The following SEC22A variants were observed in gnomAD, a reference collection of about 807,000 sequenced individuals.
SEC22A encodes vesicle-trafficking protein SEC22a.
Under a neutral mutation model 35.3 loss-of-function variants are expected in SEC22A, and 22 were observed. The observed-to-expected ratio is 0.62, with a 90% CI of 0.45 to 0.89. SEC22A has a LOEUF of 0.89. SEC22A is among the 40% of genes least tolerant of loss of function. The pLI is 0.00. For missense variants in SEC22A, 354 were observed against 362.5 expected (o/e 0.98, Z 0.19); for synonymous variants, 119 against 129.5 (o/e 0.92, Z 0.55).
At chr3:123,248,420 A>G (rs1189931978) in intron 5 of SEC22A, among the ~76,000 whole-genome samples, 9 of 152,348 alleles carry the variant, frequency 5.9e-5, no homozygotes, top group Admixed American at 2.6e-4. Flanking sequence ...ACAAAACTCA[A>G]TTGCTTTACT....
chr3:123,269,215 G>GTGTGTGTGTGTGTGTGTGTGTA (rs10642998), intron 6 of SEC22A, among the ~76,000 whole-genome samples: 5 of 136,780 alleles, frequency 3.7e-5, no homozygotes, highest in African/African-American at 8.3e-5. Context: ...GTGTGTGTGT[G>GTGTGTGTGTGTGTGTGTGTGTA]TATATATTAC....
chr3:123,225,640 A>G, intron 4 of SEC22A, among the ~76,000 whole-genome samples: 1 of 152,214 alleles, frequency 6.6e-6, no homozygotes, highest in African/African-American at 2.4e-5. Flanking sequence ...TGTAATAATC[A>G]CATTAGGGTA....
At chr3:123,210,746 T>C (rs1290160312) in intron 2 of SEC22A, among the ~76,000 whole-genome samples, 2 of 152,084 alleles carry the variant, frequency 1.3e-5, no homozygotes, top group African/African-American at 4.8e-5. Context: ...GGAAATAAGG[T>C]AAAAACACAG....
intron 4 of SEC22A, among the ~76,000 whole-genome samples, chr3:123,229,456 CTT>C (rs1427781750): frequency 6.6e-6 from 1 of 152,088 alleles, no homozygotes; most frequent in African/African-American, 2.4e-5. Flanking sequence ...AACCAAGAAT[CTT>C]ATATCTAGCA....
chr3:123,229,474 A>G (rs1246066112), intron 4 of SEC22A, among the ~76,000 whole-genome samples: 1 of 152,264 alleles, frequency 6.6e-6, no homozygotes, highest in African/African-American at 2.4e-5. Context: ...TAGCAAAGTT[A>G]TCTTTTAAAA....
chr3:123,258,523 A>G (rs1235809718), intron 5 of SEC22A, among the ~76,000 whole-genome samples: 1 of 152,196 alleles, frequency 6.6e-6, no homozygotes, highest in African/African-American at 2.4e-5. Flanking sequence ...TCTGGGGTGC[A>G]ACTGGCCTGA....
intron 4 of SEC22A, among the ~76,000 whole-genome samples, chr3:123,228,265 C>A (rs1388985546): frequency 1.3e-5 from 2 of 151,648 alleles, no homozygotes; most frequent in Non-Finnish European, 2.9e-5. Context: ...ATAAGACATG[C>A]AAAGAAACAG....
At position 123,209,319 on chromosome 3, in the gene SEC22A, A is replaced by C; in HGVS notation, c.102A>C (p.Arg34Ser). The C allele has an allele frequency of 6.2e-7, 1 of 1,614,066 alleles. No individual in the cohort carries two copies. The highest frequency in any genetic ancestry group is 8.5e-7 in the Non-Finnish European group (1 of 1,179,960). ...AAAGCACAGGAATGCAGGAGTGCAG[A>C]AAGTATTTTAAAATGCTTTCGAGGA... The part of the protein sequence containing the change: ...YEQSTGMQEC[R>S]KYFKMLSRKL... The change falls in exon 2 of 7, where the codon AGA becomes AGC. Residue 34 changes from arginine to serine, a missense_variant. By Grantham distance (110) the Arg-to-Ser change is moderately radical. Coordinates refer to ENST00000492595, the MANE Select transcript of SEC22A (RefSeq NM_012430.5).
At chr3:123,229,224 T>C (rs1937269464) in intron 4 of SEC22A, among the ~76,000 whole-genome samples, 1 of 152,202 alleles carries the variant, frequency 6.6e-6, no homozygotes, top group African/African-American at 2.4e-5. Flanking sequence ...GGAGAAAGTC[T>C]TGAAATCAGC....
At chr3:123,258,110 T>G (rs1052115567) in intron 5 of SEC22A, among the ~76,000 whole-genome samples, 7 of 152,052 alleles carry the variant, frequency 4.6e-5, no homozygotes, top group African/African-American at 1.7e-4. Flanking sequence ...TTATGGTATA[T>G]CCCCACAATT....
At chr3:123,246,941 C>T (rs1177858737) in intron 5 of SEC22A, among the ~76,000 whole-genome samples, 1 of 152,224 alleles carries the variant, frequency 6.6e-6, no homozygotes, top group East Asian at 1.9e-4. Context: ...GATGACATCA[C>T]AGGTTCCAGC....
chr3:123,254,115 A>G (rs1289567103), intron 5 of SEC22A, among the ~76,000 whole-genome samples: 2 of 152,192 alleles, frequency 1.3e-5, no homozygotes, highest in African/African-American at 4.8e-5. Context: ...CCTAATTATT[A>G]TAAACATTTT....
chr3:123,265,827 C>A (rs898452627), intron 6 of SEC22A, among the ~76,000 whole-genome samples: 2 of 152,046 alleles, frequency 1.3e-5, no homozygotes, highest in African/African-American at 2.4e-5. Context: ...TGCTTTTGCA[C>A]CTTTGTAAAA....
intron 1 of SEC22A, among the ~76,000 whole-genome samples, chr3:123,206,837 T>C (rs12695431): frequency 0.2 from 29,911 of 152,158 alleles, 3,045 homozygotes; most frequent in Middle Eastern, 0.28. Flanking sequence ...CCTGTAATCC[T>C]AGTACTTTGG....
At chr3:123,203,502 T>C (rs1482552945) in intron 1 of SEC22A, among the ~76,000 whole-genome samples, 2 of 152,222 alleles carry the variant, frequency 1.3e-5, no homozygotes, top group African/African-American at 4.8e-5. Flanking sequence ...AACAAGCCTA[T>C]GAGATAGATG....
chr3:123,236,329 A>T (rs1239323753), intron 4 of SEC22A, among the ~76,000 whole-genome samples: 1 of 152,220 alleles, frequency 6.6e-6, no homozygotes, highest in Admixed American at 6.5e-5. Flanking sequence ...AGCTGAATGA[A>T]ATGTATATAT....
chr3:123,259,424 T>C, intron 5 of SEC22A, 100 bp from the exon 6 acceptor site: 1 of 811,094 alleles, frequency 1.2e-6, no homozygotes, highest in Non-Finnish European at 2.1e-6. Context: ...TGTGACAATT[T>C]TGACTGTTTG....
chr3:123,261,612 A>G (rs7651724), intron 6 of SEC22A, among the ~76,000 whole-genome samples: 29,876 of 152,010 alleles, frequency 0.2, 3,045 homozygotes, highest in Middle Eastern at 0.27. Flanking sequence ...AATCATTCTT[A>G]TAAAATACAA....
chr3:123,205,372 G>T (rs1436570048), intron 1 of SEC22A, among the ~76,000 whole-genome samples: 1 of 152,150 alleles, frequency 6.6e-6, no homozygotes, highest in Admixed American at 6.5e-5. Flanking sequence ...TTCTGCTTTT[G>T]GTTAAAGGCT....
Sources: gnomAD v4.1 joint callset for allele counts (sites outside exome capture counted in the v4.1 genomes callset) on GRCh38, gnomAD v4.1.1 for gene constraint, MANE v1.5 for transcripts, NCBI Gene and HGNC (gene_info 2026-07-23, HGNC 2026-07-21) for gene names.